The following VWA8 variants were observed in gnomAD, a reference collection of about 807,000 sequenced individuals.
The protein encoded by VWA8 is von Willebrand factor A domain-containing protein 8.
A neutral mutation model predicts 241.5 loss-of-function variants in VWA8; 221 were observed. The ratio of observed to expected loss-of-function variants is 0.91; its 90% CI spans 0.82 to 1.02. VWA8 has a LOEUF of 1.02. VWA8 is among the 50% of genes least tolerant of loss of function. VWA8 has a pLI of 0.00. For missense variants in VWA8, 2,322 were observed against 2,328.7 expected, an observed-to-expected ratio of 1.00 and a Z score of 0.06; for synonymous variants, 852 against 827.1, an observed-to-expected ratio of 1.03 and a Z score of -0.52.
intron 12 of VWA8, among the ~76,000 whole-genome samples, chr13:41,838,810 T>G (rs940309344): frequency 3.9e-5 from 6 of 152,212 alleles, no homozygotes; most frequent in African/African-American, 1.4e-4. Context: ...TCCATGTCCC[T>G]GCAAAGGACA....
At chr13:41,923,399 C>T (rs958162829) in intron 2 of VWA8, among the ~76,000 whole-genome samples, 1 of 152,008 alleles carries the variant, frequency 6.6e-6, no homozygotes, top group Non-Finnish European at 1.5e-5. Context: ...CTAACCTGCA[C>T]GTTGTGCACA....
In VWA8 at chr13:41,721,517, C is replaced by A. The variant is rs1253094251; in HGVS notation, c.2817G>T (p.Met939Ile). Residue 939 changes from methionine to isoleucine, a missense_variant, in exon 25 of 45, where the codon ATG (methionine) becomes ATT (isoleucine). Physicochemically the swap from Met to Ile is conservative, Grantham distance 10. Transcript: ENST00000379310. Reference protein sequence around the residue: ...DNPKPHSELEMLRQYGPNVPE... With the variant: ...DNPKPHSELEILRQYGPNVPE... The stretch of plus-strand genomic sequence containing the variant: ...GCACATTTGGTCCATACTGTCTGAG[C>A]ATCTCGAGCTCCGAGTGGGGTTTGG... The A allele has an allele frequency of 6.2e-7, 1 of 1,613,832 alleles. No homozygotes were observed. The highest frequency in any genetic ancestry group is 1.7e-5 in the Admixed American group (1 of 59,980).
intron 14 of VWA8, among the ~76,000 whole-genome samples, chr13:41,825,254 T>C (rs1171890083): frequency 6.6e-6 from 1 of 152,184 alleles, no homozygotes; most frequent in African/African-American, 2.4e-5. Flanking sequence ...TAACACTCAA[T>C]AACAAATACT....
In VWA8 at chr13:41,707,360, G is replaced by T. The variant is rs552208864; in HGVS notation, c.3117-3949C>A. ...AATATGAAAGAAAACACATGCAAAAGATTTGGATCTTTCTAGGGGCATTAT... is the reference window on the plus strand; with the variant it reads ...AATATGAAAGAAAACACATGCAAAATATTTGGATCTTTCTAGGGGCATTAT... On this transcript the variant is annotated intron_variant, in intron 26 of 44. Transcript: ENST00000379310. 6.1e-4 allele frequency among the ~76,000 whole-genome samples: 93 copies of T among 152,246 alleles called. 4 individuals are homozygous for T. In the South Asian group the frequency reaches 0.018, roughly 30 times the overall value.
At chr13:41,864,094 C>G (rs183661462) in intron 12 of VWA8, among the ~76,000 whole-genome samples, 1 of 146,446 alleles carries the variant, frequency 6.8e-6, no homozygotes, top group East Asian at 2.0e-4. Context: ...AACTGCAAAT[C>G]AAAACCACAG....
chr13:41,714,140 C>T (rs982610197), intron 26 of VWA8, among the ~76,000 whole-genome samples: 37 of 151,884 alleles, frequency 2.4e-4, no homozygotes, highest in African/African-American at 8.9e-4. Flanking sequence ...AAATGGGATG[C>T]CATTCTTCAT....
intron 29 of VWA8, among the ~76,000 whole-genome samples, chr13:41,695,483 A>T (rs1327023144): frequency 6.6e-6 from 1 of 152,194 alleles, no homozygotes; most frequent in African/African-American, 2.4e-5. Context: ...GAAGGAATTG[A>T]TGGCAGTCTA....
intron 23 of VWA8, among the ~76,000 whole-genome samples, chr13:41,728,398 A>G (rs2045454292): frequency 1.3e-5 from 2 of 152,128 alleles, no homozygotes; most frequent in East Asian, 1.9e-4. Context: ...TACATTCAAA[A>G]GAGCTGCAAG....
chr13:41,717,434 G>T lies in VWA8; in HGVS notation c.3116+2157C>A, dbSNP rs1390587813. Among the ~76,000 whole-genome samples the T allele has an allele frequency of 2.0e-5, 3 of 151,936 alleles. No homozygotes were observed. The East Asian group carries it at 5.8e-4, about 29-fold the overall frequency. On this transcript the variant is annotated intron_variant, in intron 26 of 44. Coordinates refer to ENST00000379310, the MANE Select transcript of VWA8 (RefSeq NM_015058.2). ...ATTCAAATGACCAAAATGGAATGGT[G>T]AGCTCTTTGAGGGCAGGATTCTGTC...
chr13:41,930,249 GA>G (rs1167344187), intron 2 of VWA8, among the ~76,000 whole-genome samples: 2 of 152,168 alleles, frequency 1.3e-5, no homozygotes, highest in Non-Finnish European at 2.9e-5. Context: ...AGGGTGTGGA[GA>G]AAAGAGTGCG....
At chr13:41,755,974 A>T (rs989053335) in intron 21 of VWA8, among the ~76,000 whole-genome samples, 1 of 151,992 alleles carries the variant, frequency 6.6e-6, no homozygotes, top group Non-Finnish European at 1.5e-5. Flanking sequence ...AATAAAGATT[A>T]AAATCAGAAA....
chr13:41,874,626 A>C (rs1356848914), intron 9 of VWA8, among the ~76,000 whole-genome samples: 1 of 152,204 alleles, frequency 6.6e-6, no homozygotes, highest in Non-Finnish European at 1.5e-5. Context: ...ACTGTGAATT[A>C]TAATTAAATA....
intron 4 of VWA8, among the ~76,000 whole-genome samples, chr13:41,900,656 A>G (rs1031572196): frequency 1.3e-5 from 2 of 152,200 alleles, no homozygotes; most frequent in African/African-American, 4.8e-5. Context: ...GGGGTATTAT[A>G]CAGTGTAACA....
chr13:41,588,676 G>A (rs1257337060), intron 41 of VWA8, among the ~76,000 whole-genome samples: 2 of 149,750 alleles, frequency 1.3e-5, no homozygotes, highest in African/African-American at 4.9e-5. Context: ...AGCTATGATT[G>A]TGCCACTGCA....
chr13:41,664,168 G>A (rs2044970999), intron 37 of VWA8, among the ~76,000 whole-genome samples: 1 of 151,930 alleles, frequency 6.6e-6, no homozygotes, highest in South Asian at 2.1e-4. Context: ...AATGGTTTTA[G>A]TCTACTTGAT....
intron 2 of VWA8, among the ~76,000 whole-genome samples, chr13:41,917,345 A>AT (rs1320260397): frequency 6.6e-6 from 1 of 151,900 alleles, no homozygotes; most frequent in East Asian, 1.9e-4. Context: ...ACCTACTGTG[A>AT]TTTTTCATCC....
chr13:41,816,211 G>A (rs911342901), intron 16 of VWA8, among the ~76,000 whole-genome samples: 3 of 152,028 alleles, frequency 2.0e-5, no homozygotes, highest in Non-Finnish European at 2.9e-5. Flanking sequence ...CATTTTATGC[G>A]GTAGATGGTA....
At chr13:41,863,435 A>ATG (rs1313240263) in intron 12 of VWA8, among the ~76,000 whole-genome samples, 3 of 67,094 alleles carry the variant, frequency 4.5e-5, no homozygotes, top group African/African-American at 1.8e-4. Context: ...GTGTGTGTGT[A>ATG]TATATATATA....
intron 12 of VWA8, among the ~76,000 whole-genome samples, chr13:41,861,191 A>C (rs1872990274): frequency 6.6e-6 from 1 of 152,100 alleles, no homozygotes; most frequent in Non-Finnish European, 1.5e-5. Flanking sequence ...AGCCCGGGTG[A>C]CAGTGCGAGA....
Sources: allele counts gnomAD v4.1 joint callset (sites outside exome capture counted in the v4.1 genomes callset), GRCh38; gene constraint gnomAD v4.1.1; transcripts MANE v1.5; gene names NCBI Gene and HGNC (gene_info 2026-07-23, HGNC 2026-07-21).